ZNF74: variants seen among roughly 807,000 people sequenced by gnomAD.
The protein encoded by ZNF74 is zinc finger protein 74.
Under a neutral mutation model 17.7 loss-of-function variants are expected in ZNF74, and 12 were observed. That is an observed-to-expected ratio of 0.68 (90% CI 0.43 to 1.10). The LOEUF (loss-of-function observed/expected upper bound fraction) is 1.10. Among genes scored for constraint, ZNF74 ranks in the 50% least tolerant of loss-of-function variants. The pLI is 0.00. For missense variants in ZNF74, 811 were observed against 881.0 expected (o/e 0.92, Z 1.01); for synonymous variants, 358 against 362.1 (o/e 0.99, Z 0.13).
At chr22:20,404,610 G>A (rs2052392255) in intron 4 of ZNF74, among the ~76,000 whole-genome samples, 1 of 152,112 alleles carries the variant, frequency 6.6e-6, no homozygotes, top group Non-Finnish European at 1.5e-5. Context: ...ATGAGCCACC[G>A]CGCCCAGCCT....
intron 2 of ZNF74, among the ~76,000 whole-genome samples, chr22:20,399,187 G>A (rs541448514): frequency 9.9e-5 from 15 of 152,264 alleles, no homozygotes; most frequent in African/African-American, 3.6e-4. Flanking sequence ...AAGTCAAGTT[G>A]AATGATGGTG....
At chr22:20,400,336 A>G in intron 2 of ZNF74, 1 of 360,212 alleles carries the variant, frequency 2.8e-6, no homozygotes, top group Non-Finnish European at 5.2e-6. Context: ...GCCTGATACA[A>G]CAGCCATGTA....
rs770403041 is a variant in ZNF74, at chr22:20,406,730, A to G, written c.1697A>G (p.Asn566Ser). 3.1e-6 allele frequency: 5 copies of G among 1,614,042 alleles called. No homozygotes were observed. Among genetic ancestry groups the G allele is most frequent in the Admixed American group, 1.7e-5 (1 of 59,998 alleles). The change falls in exon 5 of 5, where the codon AAC becomes AGC. Residue 566 changes from asparagine to serine, a missense_variant. By Grantham distance (46) the Asn-to-Ser change is conservative. Around this residue, in one of 3 missense-constraint regions of ZNF74, gnomAD observed 115 missense variants for 119.5 expected, o/e 0.96. Coordinates refer to ENST00000400451, the MANE Select transcript of ZNF74 (RefSeq NM_003426.4). ...FKCEKCGEMFNWSSHLTEHQR... is the reference protein window; with the variant it reads ...FKCEKCGEMFSWSSHLTEHQR... ...TGTGAGAAATGTGGGGAGATGTTCAACTGGAGCTCGCACCTCACTGAGCAC... is the reference window on the plus strand; with the variant it reads ...TGTGAGAAATGTGGGGAGATGTTCAGCTGGAGCTCGCACCTCACTGAGCAC...
At position 20,407,047 on chromosome 22, in the gene ZNF74, A is replaced by G. The variant is rs2052440907; in HGVS notation, c.*79A>G. 15 of 1,482,684 alleles carry G rather than the reference A, an allele frequency of 1.0e-5. No individual in the cohort carries two copies. Among genetic ancestry groups the G allele is most frequent in the Admixed American group, 2.4e-5 (1 of 41,796 alleles). 91.8% of individuals were successfully genotyped at this position (1,482,684 alleles called of 1,614,324 possible). A position where few individuals can be genotyped will look rare whatever the true frequency, so the allele number is the denominator to read the frequency against. On this transcript the variant is annotated 3_prime_UTR_variant, in exon 5 of 5. Coordinates refer to ENST00000400451, the MANE Select transcript of ZNF74 (RefSeq NM_003426.4). ...CACCCTGGTCCTCCCTGGCTCCTAG[A>G]TCCAGACCACCTTCCTCCAGGTGTG... is the stretch of plus-strand genomic sequence containing the variant.
At chr22:20,405,334 G>T (rs529243213) in intron 4 of ZNF74, 43 bp from the exon 5 acceptor site, 2 of 1,551,900 alleles carry the variant, frequency 1.3e-6, no homozygotes, top group Admixed American at 4.0e-5. Context: ...TTCTAGGCCA[G>T]GTTTCCGCTT....
Position 20,407,478 on chromosome 22 carries a change from G to C in ZNF74, c.*510G>C, listed in dbSNP as rs780007273. ...AGGCTGAGGTGGGAGGATCATTTGAGCCTAGGAGGTCAAGGCTGCAGTGAG... is the reference window on the plus strand; with the variant it reads ...AGGCTGAGGTGGGAGGATCATTTGACCCTAGGAGGTCAAGGCTGCAGTGAG... On this transcript the variant is annotated 3_prime_UTR_variant, in exon 5 of 5. Transcript: ENST00000400451. 1 of 162,462 alleles carries C rather than the reference G, an allele frequency of 6.2e-6. No homozygotes were observed. The highest frequency in any genetic ancestry group is 1.3e-5 in the Non-Finnish European group (1 of 74,176). 10.1% of individuals were successfully genotyped at this position (162,462 alleles called of 1,614,324 possible).
At chr22:20,395,290 T>G in intron 1 of ZNF74, 43 bp from the exon 2 acceptor site, 754 of 1,482,240 alleles carry the variant, frequency 5.1e-4, no homozygotes, top group Non-Finnish European at 6.5e-4. Flanking sequence ...AGCTCAGCCG[T>G]GAGCCTGGTA....
chr22:20,405,312 C>T (rs2052401017), intron 4 of ZNF74, 65 bp from the exon 5 acceptor site: 1 of 1,510,320 alleles, frequency 6.6e-7, no homozygotes, highest in African/African-American at 1.4e-5. Context: ...CAGGCCAATT[C>T]TCAAATCTGA....
In ZNF74 at chr22:20,407,090, C is replaced by T. The variant is rs1355193530; in HGVS notation, c.*122C>T. 1 of 1,432,536 alleles carries T rather than the reference C, an allele frequency of 7.0e-7. No homozygotes were observed. The highest frequency in any genetic ancestry group is 1.4e-5 in the African/African-American group (1 of 69,608). 88.7% of individuals were successfully genotyped at this position (1,432,536 alleles called of 1,614,324 possible). ...CAGGTGTGGGAGCCTTGCCTTATCA[C>T]CCCCATCAGGTCTGCATGCCAGGGT... On this transcript the variant is annotated 3_prime_UTR_variant, in exon 5 of 5. Coordinates refer to ENST00000400451, the MANE Select transcript of ZNF74 (RefSeq NM_003426.4).
At chr22:20,403,344 AG>A (rs1056802007) in intron 4 of ZNF74, among the ~76,000 whole-genome samples, 15 of 150,410 alleles carry the variant, frequency 1.0e-4, no homozygotes, top group African/African-American at 3.2e-4. Flanking sequence ...CCTTTATAAA[AG>A]CTTCCACCAT....
intron 2 of ZNF74, among the ~76,000 whole-genome samples, chr22:20,397,009 C>T (rs901971348): frequency 6.6e-6 from 1 of 152,174 alleles, no homozygotes; most frequent in South Asian, 2.1e-4. Context: ...GCCATGTAGC[C>T]TCTGACAGCC....
Position 20,407,072 on chromosome 22 carries a change from G to A in ZNF74, c.*104G>A. On this transcript the variant is annotated 3_prime_UTR_variant, in exon 5 of 5. Coordinates refer to ENST00000400451, the MANE Select transcript of ZNF74 (RefSeq NM_003426.4). The stretch of plus-strand genomic sequence containing the variant: ...ATCCAGACCACCTTCCTCCAGGTGT[G>A]GGAGCCTTGCCTTATCACCCCCATC... 6.9e-7 allele frequency: 1 copy of A among 1,455,556 alleles called. No individual in the cohort carries two copies. The highest frequency in any genetic ancestry group is 1.4e-5 in the African/African-American group (1 of 70,266). 90.2% of individuals were successfully genotyped at this position (1,455,556 alleles called of 1,614,324 possible). A position where few individuals can be genotyped will look rare whatever the true frequency, so the allele number is the denominator to read the frequency against.
chr22:20,406,219 G>A lies in ZNF74; in HGVS notation c.1186G>A (p.Ala396Thr), dbSNP rs976999286. ...CTACCAGTGCGGCTCCTGCGGCAAG[G>A]CCTTCACCTGCCACTCATCCCTCAC... ...KPYQCGSCGK[A>T]FTCHSSLTVH... Residue 396 changes from alanine to threonine, a missense_variant, in exon 5 of 5, where the codon GCC (alanine) becomes ACC (threonine). Ala to Thr is a moderately conservative substitution (Grantham distance 58, BLOSUM62 0). This residue lies in a region of ZNF74 where 666 missense variants were observed against 702.3 expected (regional missense o/e 0.95). Transcript: ENST00000400451. The A allele has an allele frequency of 1.9e-6, 3 of 1,612,074 alleles. No individual in the cohort carries two copies. Among genetic ancestry groups the A allele is most frequent in the Admixed American group, 1.7e-5 (1 of 59,998 alleles).
intron 2 of ZNF74, among the ~76,000 whole-genome samples, chr22:20,397,980 G>A (rs1569091434): frequency 6.6e-6 from 1 of 152,124 alleles, no homozygotes; most frequent in African/African-American, 2.4e-5. Flanking sequence ...ATTGGATCAA[G>A]GCCCACTGCA....
chr22:20,395,333 C>G lies in ZNF74; in HGVS notation c.35C>G (p.Ala12Gly). Residue 12 changes from alanine to glycine, a missense_variant and splice_region_variant, in exon 2 of 5, where the codon GCT (alanine) becomes GGT (glycine). By Grantham distance (60) the Ala-to-Gly change is moderately conservative. Transcript: ENST00000400451. Reference sequence around the variant, plus strand: ...CCTTGACTCATTTCTCCTTCGCCAGCTCTTTCCTCTCAGGATCCTGCTCTT... The same window carrying G: ...CCTTGACTCATTTCTCCTTCGCCAGGTCTTTCCTCTCAGGATCCTGCTCTT... ...EIPAPEPEKT[A>G]LSSQDPALSL... 6.3e-7 allele frequency: 1 copy of G among 1,596,290 alleles called. No homozygotes were observed. The highest frequency in any genetic ancestry group is 8.6e-7 in the Non-Finnish European group (1 of 1,166,224).
chr22:20,397,373 G>T (rs1210929272), intron 2 of ZNF74, among the ~76,000 whole-genome samples: 2 of 152,150 alleles, frequency 1.3e-5, no homozygotes, highest in Non-Finnish European at 2.9e-5. Flanking sequence ...CAGTGTTTTG[G>T]GGGGTAAGGT....
At chr22:20,403,391 T>G (rs2052380235) in intron 4 of ZNF74, among the ~76,000 whole-genome samples, 1 of 151,338 alleles carries the variant, frequency 6.6e-6, no homozygotes, top group South Asian at 2.1e-4. Context: ...GGTCTCATCC[T>G]CTCCCCCATT....
intron 2 of ZNF74, among the ~76,000 whole-genome samples, chr22:20,396,708 A>C (rs767206712): frequency 1.7e-4 from 26 of 152,180 alleles, no homozygotes; most frequent in African/African-American, 3.6e-4. Flanking sequence ...GACTCTCCTG[A>C]GTACACATCA....
At position 20,394,553 on chromosome 22, in the gene ZNF74, C is replaced by T. The variant is rs376916425; in HGVS notation, c.-76C>T. ...GCCCCTCAGCCCCAGGAGCAGTACT[C>T]GCTCTTCAGGGCCTGCCCTGGATCC... On this transcript the variant is annotated 5_prime_UTR_variant, in exon 1 of 5. Coordinates refer to ENST00000400451, the MANE Select transcript of ZNF74 (RefSeq NM_003426.4). The T allele has an allele frequency of 4.9e-4, 751 of 1,523,398 alleles. 10 individuals carry two copies. In the South Asian group the frequency reaches 6.2e-3, roughly 13 times the overall value. 94.4% of individuals were successfully genotyped at this position (1,523,398 alleles called of 1,614,324 possible).
Sources: gnomAD v4.1 joint callset for allele counts (sites outside exome capture counted in the v4.1 genomes callset) on GRCh38, gnomAD v4.1.1 for gene constraint, gnomAD v4.1.1 regional missense constraint, MANE v1.5 for transcripts, NCBI Gene and HGNC (gene_info 2026-07-23, HGNC 2026-07-21) for gene names.